MFSD8: variants seen among roughly 807,000 people sequenced by gnomAD.
MFSD8 encodes major facilitator superfamily domain-containing protein 8.
A neutral mutation model predicts 66.4 loss-of-function variants in MFSD8; 55 were observed. The ratio of observed to expected loss-of-function variants is 0.83; its 90% CI spans 0.67 to 1.04. MFSD8 has a LOEUF of 1.04. Ranked by LOEUF, MFSD8 falls within the 50% of genes least tolerant of loss-of-function variation. The probability of loss-of-function intolerance (pLI) is 0.00; values close to 1 mark genes in which losing one functional copy is unlikely to be tolerated. For synonymous variants in MFSD8, 202 were observed against 212.8 expected (o/e 0.95, Z 0.44); for missense variants, 550 against 627.6 (o/e 0.88, Z 1.32).
chr4:127,953,953 A>G (rs1353842497), intron 2 of MFSD8, among the ~76,000 whole-genome samples: 1 of 152,212 alleles, frequency 6.6e-6, no homozygotes, highest in Admixed American at 6.5e-5. Flanking sequence ...ATATATGGAA[A>G]ATATATGGAA....
In MFSD8 at chr4:127,933,102, A is replaced by G; in HGVS notation, c.755-9T>C. ...AGCTTCATCTGTACTTGCTATAGGGAAATAGGAGAAAAATTACATTACCTA... is the reference window on the plus strand; with the variant it reads ...AGCTTCATCTGTACTTGCTATAGGGGAATAGGAGAAAAATTACATTACCTA... On this transcript the variant is annotated splice_polypyrimidine_tract_variant and intron_variant, in intron 7 of 11. Transcript: ENST00000641686. 1 of 1,602,268 alleles carries G rather than the reference A, an allele frequency of 6.2e-7. No homozygotes were observed. The highest frequency in any genetic ancestry group is 1.1e-5 in the South Asian group (1 of 90,786).
chr4:127,965,247 C>G, upstream of MFSD8: 10 of 1,348,418 alleles, frequency 7.4e-6, no homozygotes, highest in South Asian at 1.2e-5. Context: ...GCGCACCTGA[C>G]GGTCAGACGT....
At position 127,942,328 on chromosome 4, in the gene MFSD8, T is replaced by A. The variant is rs189085244; in HGVS notation, c.440-170A>T. Reference sequence around the variant, plus strand: ...AAGGTATTTTTATTAAGCAAATGCATCAATTAATGGACCATACTAGTTTTG... The same window carrying A: ...AAGGTATTTTTATTAAGCAAATGCAACAATTAATGGACCATACTAGTTTTG... On this transcript the variant is annotated intron_variant, in intron 4 of 11. Transcript: ENST00000641686. Among the ~76,000 whole-genome samples, 16 of 152,266 alleles carry A rather than the reference T, an allele frequency of 1.1e-4. 1 individual carries two copies. Among genetic ancestry groups the A allele is most frequent in the Admixed American group, 1.0e-3 (16 of 15,284 alleles).
intron 2 of MFSD8, among the ~76,000 whole-genome samples, chr4:127,954,936 T>C (rs1000265227): frequency 1.3e-5 from 2 of 152,082 alleles, no homozygotes; most frequent in African/African-American, 4.8e-5. Flanking sequence ...CAAGATACCA[T>C]CTCATCCACT....
At position 127,943,638 on chromosome 4, in the gene MFSD8, T is replaced by A. The variant is rs532424736; in HGVS notation, c.439+114A>T. 63 of 1,248,666 alleles carry A rather than the reference T, an allele frequency of 5.0e-5. No homozygotes were observed. In the East Asian group the frequency reaches 1.5e-3, roughly 29 times the overall value. 77.3% of individuals were successfully genotyped at this position (1,248,666 alleles called of 1,614,324 possible). On this transcript the variant is annotated intron_variant, in intron 4 of 11. Transcript: ENST00000641686. ...ATATTTGTTTACAATGAGAAACATG[T>A]ATGTTGAACTGTGAAATATGAGTTT... is the stretch of plus-strand genomic sequence containing the variant.
intron 1 of MFSD8, among the ~76,000 whole-genome samples, chr4:127,960,774 T>C (rs1487852535): frequency 6.6e-6 from 1 of 152,198 alleles, no homozygotes; most frequent in Non-Finnish European, 1.5e-5. Flanking sequence ...TGAATATTTA[T>C]CAGTTTGATG....
upstream of MFSD8, chr4:127,965,423 T>G (rs2276900): frequency 5.4e-6 from 3 of 556,246 alleles, no homozygotes; most frequent in Non-Finnish European, 9.7e-6. Context: ...CGCGCCGCCC[T>G]GCTCCGGGTT....
At position 127,939,961 on chromosome 4, in the gene MFSD8, C is replaced by G. The variant is rs28544073; in HGVS notation, c.590G>C (p.Gly197Ala). 1 of 1,613,456 alleles carries G rather than the reference C, an allele frequency of 6.2e-7. No homozygotes were observed. ...CAGTTTAATCACATCCCATGTCACA[C>G]CTTTTTCTCCAAGGAATGTAAAACA... ...QTCFTFLGEK[G>A]VTWDVIKLQI... Residue 197 changes from glycine to alanine, a missense_variant, in exon 6 of 12, where the codon GGT (glycine) becomes GCT (alanine). Transcript: ENST00000641686.
Position 127,965,090 on chromosome 4 carries a change from C to T in MFSD8, c.44G>A (p.Gly15Asp). ...RNESEQEPLL[G>D]DTPGSREWDI... ...CGCTCACCTGCTTCCAGGTGTGTCG[C>T]CTAAGAGCGGCTCCTGTTCACTTTC... Residue 15 changes from glycine to aspartate, a missense_variant, in exon 1 of 12, where the codon GGC becomes GAC. Physicochemically the swap from Gly to Asp is moderately conservative, Grantham distance 94. Transcript: ENST00000641686. 6.2e-7 allele frequency: 1 copy of T among 1,613,970 alleles called. No homozygotes were observed. The highest frequency in any genetic ancestry group is 1.7e-4 in the Middle Eastern group (1 of 6,060).
chr4:127,922,894 G>A (rs771920955), intron 9 of MFSD8, among the ~76,000 whole-genome samples: 8 of 152,068 alleles, frequency 5.3e-5, no homozygotes, highest in Non-Finnish European at 2.9e-5. Context: ...TGGATCTATG[G>A]AATAATCAGT....
At chr4:127,961,326 T>A (rs1251448192) in intron 1 of MFSD8, among the ~76,000 whole-genome samples, 1 of 152,222 alleles carries the variant, frequency 6.6e-6, no homozygotes, top group African/African-American at 2.4e-5. Flanking sequence ...ATCAGAGGTA[T>A]TGATTATTGG....
chr4:127,938,592 A>ATAAAT (rs1226549261), intron 7 of MFSD8, among the ~76,000 whole-genome samples, 191 bp downstream of exon 7: 2 of 131,010 alleles, frequency 1.5e-5, no homozygotes, highest in African/African-American at 3.2e-5. Flanking sequence ...CAAAAAAAAA[A>ATAAAT]AAATAAATAA....
At chr4:127,923,061 T>G (rs1248171148) in intron 9 of MFSD8, among the ~76,000 whole-genome samples, 1 of 152,222 alleles carries the variant, frequency 6.6e-6, no homozygotes, top group Non-Finnish European at 1.5e-5. Context: ...ACAGCAATCA[T>G]GTCATCTGCA....
intron 7 of MFSD8, among the ~76,000 whole-genome samples, chr4:127,936,604 C>A (rs1195072808): frequency 6.6e-6 from 1 of 151,698 alleles, no homozygotes; most frequent in Non-Finnish European, 1.5e-5. Context: ...TTATTGAAAT[C>A]CAAATTTAAC....
intron 5 of MFSD8, 96 bp downstream of exon 5, chr4:127,941,949 C>T: frequency 1.0e-6 from 1 of 974,364 alleles, no homozygotes; most frequent in Non-Finnish European, 1.7e-6. Flanking sequence ...CCTTTCCCTT[C>T]AGCTATGAGT....
intron 7 of MFSD8, among the ~76,000 whole-genome samples, 196 bp downstream of exon 7, chr4:127,938,587 A>AT (rs1300156140): frequency 2.3e-5 from 3 of 131,254 alleles, no homozygotes; most frequent in African/African-American, 6.8e-5. Flanking sequence ...TGTCTCAAAA[A>AT]AAAAAAAATA....
chr4:127,925,538 G>C (rs1329699409), intron 9 of MFSD8, among the ~76,000 whole-genome samples: 1 of 152,190 alleles, frequency 6.6e-6, no homozygotes, highest in Non-Finnish European at 1.5e-5. Flanking sequence ...ATCACAATGA[G>C]ATACCATCTC....
rs1446052001 is a variant in MFSD8, at chr4:127,942,118, A to C, written c.480T>G (p.Thr160=). The C allele has an allele frequency of 1.2e-6, 2 of 1,614,028 alleles. No homozygotes were observed. Residue 160 remains threonine (T), a synonymous_variant, in exon 5 of 12, where the codon ACT becomes ACG. Coordinates refer to ENST00000641686, the MANE Select transcript of MFSD8 (RefSeq NM_001371596.2). ...AVVRSYTAGA[T]SLQERTSSMA... is the part of the protein sequence containing the mutation. ...TGGAACTTGTTCTTTCCTGAAGGGA[A>C]GTAGCACCAGCAGTATATGATCTAA...
intron 6 of MFSD8, 90 bp from the exon 7 acceptor site, chr4:127,938,928 A>G (rs1739610983): frequency 2.1e-6 from 2 of 973,340 alleles, no homozygotes; most frequent in Non-Finnish European, 3.2e-6. Flanking sequence ...TTTTTTTCAC[A>G]TTCTAATATA....
Sources: gnomAD v4.1 joint callset for allele counts (sites outside exome capture counted in the v4.1 genomes callset) on GRCh38, gnomAD v4.1.1 for gene constraint, MANE v1.5 for transcripts, NCBI Gene and HGNC (gene_info 2026-07-23, HGNC 2026-07-21) for gene names.